Variants in TMEM232 observed in about 807,000 individuals in gnomAD.
TMEM232 encodes the protein transmembrane protein 232.
TMEM232 carries 80 observed loss-of-function variants against 78.8 expected under a neutral mutation model. That is an observed-to-expected ratio of 1.01 (90% CI 0.85 to 1.22). The LOEUF is 1.22. Ranked by LOEUF, TMEM232 falls within the 50% of genes most tolerant of loss-of-function variation. TMEM232 has a pLI of 0.00. For missense variants in TMEM232, 881 were observed against 742.2 expected (o/e 1.19, Z -2.17); for synonymous variants, 297 against 254.3 (o/e 1.17, Z -1.60).
intron 1 of TMEM232, among the ~76,000 whole-genome samples, chr5:110,684,407 T>TA (rs1793142895): frequency 6.6e-6 from 1 of 152,054 alleles, no homozygotes; most frequent in Non-Finnish European, 1.5e-5. Context: ...TTAGTGCCAG[T>TA]AAAGATGGCT....
intron 12 of TMEM232, among the ~76,000 whole-genome samples, chr5:110,452,781 G>T (rs781339400): frequency 2.0e-5 from 3 of 152,116 alleles, no homozygotes; most frequent in African/African-American, 4.8e-5. Flanking sequence ...AGACATTATT[G>T]GAAGAACAAA....
At chr5:110,706,582 T>C (rs1374653896) in intron 1 of TMEM232, among the ~76,000 whole-genome samples, 1 of 152,184 alleles carries the variant, frequency 6.6e-6, no homozygotes, top group Non-Finnish European at 1.5e-5. Flanking sequence ...CTTTCCTCTA[T>C]TTCTGACTGA....
intron 5 of TMEM232, among the ~76,000 whole-genome samples, chr5:110,628,111 C>T (rs1209944623): frequency 1.3e-5 from 2 of 152,032 alleles, no homozygotes; most frequent in Non-Finnish European, 2.9e-5. Flanking sequence ...TAATGACCAA[C>T]ACTAAATGTT....
chr5:110,598,146 T>A (rs182995189), intron 10 of TMEM232, among the ~76,000 whole-genome samples: 12 of 151,536 alleles, frequency 7.9e-5, no homozygotes, highest in Admixed American at 6.6e-4. Context: ...CAATCTACAA[T>A]GAACTCAAAT....
intron 10 of TMEM232, among the ~76,000 whole-genome samples, chr5:110,583,186 C>A (rs537324120): frequency 1.3e-5 from 2 of 152,018 alleles, no homozygotes; most frequent in African/African-American, 2.4e-5. Flanking sequence ...AAGATCCCAA[C>A]TAGCCAAAAC....
chr5:110,474,130 T>C (rs1012472044), intron 12 of TMEM232, among the ~76,000 whole-genome samples: 4 of 151,794 alleles, frequency 2.6e-5, no homozygotes, highest in African/African-American at 9.7e-5. Context: ...AAAATAGCTA[T>C]AAGAACGGAT....
intron 1 of TMEM232, among the ~76,000 whole-genome samples, chr5:110,701,165 A>C (rs931513279): frequency 6.6e-6 from 1 of 151,980 alleles, no homozygotes; most frequent in African/African-American, 2.4e-5. Flanking sequence ...GACAGATCTG[A>C]AATTTTGAAT....
chr5:110,598,337 C>T (rs547697945), intron 10 of TMEM232, among the ~76,000 whole-genome samples: 3 of 152,214 alleles, frequency 2.0e-5, no homozygotes, highest in Non-Finnish European at 2.9e-5. Context: ...GTTAGAATGG[C>T]AATCATTCAA....
At chr5:110,444,876 T>C (rs970528679) in intron 12 of TMEM232, among the ~76,000 whole-genome samples, 1 of 152,136 alleles carries the variant, frequency 6.6e-6, no homozygotes, top group South Asian at 2.1e-4. Flanking sequence ...GTCTGGACTA[T>C]ACCTCTCATT....
At chr5:110,688,618 G>A (rs972590219) in intron 1 of TMEM232, among the ~76,000 whole-genome samples, 1 of 152,132 alleles carries the variant, frequency 6.6e-6, no homozygotes, top group Non-Finnish European at 1.5e-5. Context: ...CAAACCAAAG[G>A]AGGCCATATA....
At chr5:110,590,652 G>A (rs1222653692) in intron 10 of TMEM232, among the ~76,000 whole-genome samples, 23 of 151,916 alleles carry the variant, frequency 1.5e-4, no homozygotes, top group Non-Finnish European at 1.5e-5. Flanking sequence ...TAAGATCAAA[G>A]GAAAACATCT....
intron 3 of TMEM232, among the ~76,000 whole-genome samples, chr5:110,394,407 T>C (rs1229481216): frequency 6.6e-6 from 1 of 152,232 alleles, no homozygotes. Flanking sequence ...AGTGCTGCAG[T>C]AAACATGAGA....
At chr5:110,575,463 T>A (rs746317964) in intron 10 of TMEM232, among the ~76,000 whole-genome samples, 6 of 152,072 alleles carry the variant, frequency 3.9e-5, no homozygotes, top group Non-Finnish European at 8.8e-5. Flanking sequence ...TGAAATTTCA[T>A]GATCTTTTCT....
intron 10 of TMEM232, among the ~76,000 whole-genome samples, chr5:110,577,895 G>A (rs1777751005): frequency 6.6e-6 from 1 of 151,720 alleles, no homozygotes; most frequent in Non-Finnish European, 1.5e-5. Flanking sequence ...GGAGGAGGGA[G>A]AAGATCAGGA....
intron 12 of TMEM232, among the ~76,000 whole-genome samples, chr5:110,429,132 A>T (rs531307463): frequency 2.0e-5 from 3 of 151,966 alleles, no homozygotes; most frequent in East Asian, 3.9e-4. Context: ...TGAAGTTCAC[A>T]TGGGGGAAGA....
rs562911094 is a variant in TMEM232, at chr5:110,494,013, C to T, written c.1703+34575G>A. Among the ~76,000 whole-genome samples the T allele has an allele frequency of 4.7e-3, 710 of 152,012 alleles. 1 individual carries two copies. The highest frequency in any genetic ancestry group is 8.1e-3 in the Non-Finnish European group (552 of 67,956). On this transcript the variant is annotated intron_variant, in intron 12 of 13. Transcript: ENST00000455884. ...TTCTCATTGTCCAACTCAGAACATG[C>T]GGTGTTGGTTTTCTGTTCTTGTGTT...
chr5:110,430,140 A>G (rs311724), intron 12 of TMEM232: 1 of 151,402 alleles, frequency 6.6e-6, no homozygotes. Context: ...AAAAAAACTA[A>G]TTAAATCATT....
At chr5:110,471,440 C>T (rs1762670362) in intron 12 of TMEM232, among the ~76,000 whole-genome samples, 1 of 152,010 alleles carries the variant, frequency 6.6e-6, no homozygotes, top group African/African-American at 2.4e-5. Flanking sequence ...CCAAAGAGGA[C>T]TTCACTTAGA....
chr5:110,467,699 T>C (rs1762228999), intron 12 of TMEM232, among the ~76,000 whole-genome samples: 1 of 152,214 alleles, frequency 6.6e-6, no homozygotes, highest in African/African-American at 2.4e-5. Flanking sequence ...ATTAGTTTGC[T>C]AGGACTGCCA....
Sources: allele counts gnomAD v4.1 joint callset (sites outside exome capture counted in the v4.1 genomes callset), GRCh38; gene constraint gnomAD v4.1.1; transcripts MANE v1.5; gene names NCBI Gene and HGNC (gene_info 2026-07-23, HGNC 2026-07-21).